Variants in PCDHA2 observed in about 807,000 individuals in gnomAD.
The protein encoded by PCDHA2 is protocadherin alpha-2.
In PCDHA2, 58 loss-of-function variants were observed where a neutral mutation model predicts 66.0. The ratio of observed to expected loss-of-function variants is 0.88; its 90% CI spans 0.71 to 1.09. The LOEUF is 1.09. Among genes scored for constraint, PCDHA2 ranks in the 50% least tolerant of loss-of-function variants. The probability of loss-of-function intolerance (pLI) is 0.00; values close to 1 mark genes in which losing one functional copy is unlikely to be tolerated. For synonymous variants in PCDHA2, 634 were observed against 554.0 expected, an observed-to-expected ratio of 1.14 and a Z score of -2.03; for missense variants, 1,267 against 1,242.3, an observed-to-expected ratio of 1.02 and a Z score of -0.30.
At chr5:140,799,246 A>G (rs1554120860) in intron 1 of PCDHA2, among the ~76,000 whole-genome samples, 1 of 152,098 alleles carries the variant, frequency 6.6e-6, no homozygotes, top group Non-Finnish European at 1.5e-5. Context: ...TCTCTTAATA[A>G]TCAGTATGGA....
chr5:140,932,346 A>C (rs529573484), intron 1 of PCDHA2, among the ~76,000 whole-genome samples: 1 of 151,954 alleles, frequency 6.6e-6, no homozygotes, highest in African/African-American at 2.4e-5. Context: ...AACACTTACC[A>C]TACAACTGGC....
chr5:140,959,538 A>G (rs1310965047), intron 1 of PCDHA2, among the ~76,000 whole-genome samples: 1 of 152,204 alleles, frequency 6.6e-6, no homozygotes, highest in Non-Finnish European at 1.5e-5. Flanking sequence ...TAATTCAGAG[A>G]TGCTGTATAA....
rs2150109820 is a variant in PCDHA2 at position 140,821,551 on chromosome 5, A to G, written c.2388+24199A>G. ...ATAAAACACTTACCCTTTCATCCAC[A>G]TGATGTCGCTGGACACCGGAAGGTT... is the stretch of plus-strand genomic sequence containing the variant. On this transcript the variant is annotated intron_variant, in intron 1 of 3. Transcript: ENST00000526136. 1.7e-4 allele frequency: 85 copies of G among 506,706 alleles called. 1 individual carries two copies. The South Asian group carries it at 3.0e-3, about 18-fold the overall frequency. 31.4% of individuals were successfully genotyped at this position (506,706 alleles called of 1,614,324 possible).
At chr5:140,807,219 C>T in intron 1 of PCDHA2, 2 of 1,614,030 alleles carry the variant, frequency 1.2e-6, no homozygotes, top group Non-Finnish European at 8.5e-7. Context: ...GGCCAGGAAT[C>T]CCGGCGTCTG....
chr5:140,853,354 A>G (rs1391288948), intron 1 of PCDHA2: 1 of 982,096 alleles, frequency 1.0e-6, no homozygotes, highest in African/African-American at 1.8e-5. Flanking sequence ...ACATGAACTC[A>G]CAGGGATCCA....
At chr5:140,876,368 CA>C in intron 1 of PCDHA2, 1 of 1,613,904 alleles carries the variant, frequency 6.2e-7, no homozygotes. Flanking sequence ...AATCCAGACA[CA>C]GGTGAAATTA....
intron 1 of PCDHA2, among the ~76,000 whole-genome samples, chr5:140,798,109 TG>T (rs1235759253): frequency 2.0e-5 from 3 of 152,160 alleles, no homozygotes; most frequent in African/African-American, 7.2e-5. Context: ...TGGCCTCAAG[TG>T]ATCCACCCTC....
At chr5:140,878,153 A>G (rs554763085) in intron 1 of PCDHA2, 21 of 178,230 alleles carry the variant, frequency 1.2e-4, no homozygotes, top group Non-Finnish European at 2.3e-4. Context: ...TGATAACTTA[A>G]AAATTTAATT....
intron 1 of PCDHA2, among the ~76,000 whole-genome samples, chr5:140,959,596 A>G (rs2095498979): frequency 6.6e-6 from 1 of 152,224 alleles, no homozygotes; most frequent in Non-Finnish European, 1.5e-5. Flanking sequence ...AGCCAAGTAT[A>G]ACATGCTTTT....
intron 1 of PCDHA2, among the ~76,000 whole-genome samples, chr5:140,899,477 A>G (rs1309385245): frequency 3.3e-5 from 5 of 152,210 alleles, no homozygotes; most frequent in Non-Finnish European, 5.9e-5. Context: ...GGTTCTGTTT[A>G]TATGCTGGAT....
chr5:140,823,892 T>C, intron 1 of PCDHA2: 1 of 1,613,932 alleles, frequency 6.2e-7, no homozygotes, highest in Non-Finnish European at 8.5e-7. Context: ...ATCTGTGCGG[T>C]GTCCAGCCTG....
In PCDHA2 at chr5:140,978,987, C is replaced by T; in HGVS notation, c.2427C>T (p.Ser809=). 4 of 1,614,162 alleles carry T rather than the reference C, an allele frequency of 2.5e-6. No homozygotes were observed. In the South Asian group the frequency reaches 3.3e-5, roughly 13 times the overall value. The change falls in exon 2 of 4, where the codon TCC becomes TCT. Residue 809 remains serine (S), a synonymous_variant. Transcript: ENST00000526136. ...QPNPDWRYSA[S]LRAGMHSSVH... ...ACCCTGACTGGCGTTACTCTGCCTC[C>T]CTGAGAGCAGGCATGCACAGGTATG...
At chr5:141,003,616 G>A (rs1360535833) in intron 3 of PCDHA2, among the ~76,000 whole-genome samples, 1 of 152,132 alleles carries the variant, frequency 6.6e-6, no homozygotes, top group African/African-American at 2.4e-5. Flanking sequence ...CCCGGCCCCA[G>A]AGGGCAGTTT....
At position 140,853,244 on chromosome 5, in the gene PCDHA2, T is replaced by C. The variant is rs954151249; in HGVS notation, c.2388+55892T>C. ...TTGGTAATTTAGTCCTTCATATTAATCTCTATTCTCTCTCAGAGTACAAGC... is the reference window on the plus strand; with the variant it reads ...TTGGTAATTTAGTCCTTCATATTAACCTCTATTCTCTCTCAGAGTACAAGC... On this transcript the variant is annotated intron_variant, in intron 1 of 3. Transcript: ENST00000526136. 6.8e-5 allele frequency: 66 copies of C among 975,168 alleles called. 5 individuals carry two copies. Among genetic ancestry groups the C allele is most frequent in the Non-Finnish European group, 7.9e-5 (64 of 808,328 alleles). 60.4% of individuals were successfully genotyped at this position (975,168 alleles called of 1,614,324 possible).
intron 1 of PCDHA2, chr5:140,966,973 G>C (rs782189736): frequency 6.2e-7 from 1 of 1,602,934 alleles, no homozygotes; most frequent in Non-Finnish European, 8.5e-7. Context: ...GGCTTGAGCT[G>C]CGGCGCTTGG....
intron 1 of PCDHA2, chr5:140,928,199 C>T: frequency 6.2e-7 from 1 of 1,614,226 alleles, no homozygotes; most frequent in South Asian, 1.1e-5. Context: ...GTGTCAGTTG[C>T]TGATGTGAAT....
At chr5:140,905,407 A>G (rs2071810139) in intron 1 of PCDHA2, among the ~76,000 whole-genome samples, 1 of 152,158 alleles carries the variant, frequency 6.6e-6, no homozygotes, top group Non-Finnish European at 1.5e-5. Context: ...CTATTTTTAT[A>G]CCAGTACCAT....
chr5:140,899,788 C>T (rs1260643506), intron 1 of PCDHA2, among the ~76,000 whole-genome samples: 3 of 152,054 alleles, frequency 2.0e-5, no homozygotes, highest in Admixed American at 6.6e-5. Context: ...TGGTATAATT[C>T]GGCTGTGAAT....
intron 1 of PCDHA2, chr5:140,809,025 C>T (rs782755918): frequency 1.2e-6 from 2 of 1,613,628 alleles, no homozygotes; most frequent in African/African-American, 1.3e-5. Context: ...GAGCTGCAGC[C>T]GGGGACTGGT....
Sources: allele counts gnomAD v4.1 joint callset (sites outside exome capture counted in the v4.1 genomes callset), GRCh38; gene constraint gnomAD v4.1.1; transcripts MANE v1.5; gene names NCBI Gene and HGNC (gene_info 2026-07-23, HGNC 2026-07-21).